Variants in TMEM117 observed in about 807,000 individuals in gnomAD.
TMEM117 encodes transmembrane protein 117.
TMEM117 carries 27 observed loss-of-function variants against 52.4 expected under a neutral mutation model. The observed-to-expected ratio is 0.51, with a 90% CI of 0.38 to 0.71. TMEM117 has a LOEUF of 0.71. Ranked by LOEUF, TMEM117 falls within the 30% of genes least tolerant of loss-of-function variation. TMEM117 has a pLI of 0.00. For missense variants in TMEM117, 556 were observed against 630.5 expected (o/e 0.88, Z 1.26); for synonymous variants, 215 against 206.3 (o/e 1.04, Z -0.36).
chr12:43,877,599 C>T (rs1374883799), intron 2 of TMEM117, among the ~76,000 whole-genome samples: 1 of 149,634 alleles, frequency 6.7e-6, no homozygotes, highest in Non-Finnish European at 1.5e-5. Context: ...CGTGTCACTG[C>T]ACTCCAGCCC....
intron 6 of TMEM117, among the ~76,000 whole-genome samples, chr12:44,359,219 A>G (rs757531034): frequency 3.3e-5 from 5 of 152,064 alleles, no homozygotes; most frequent in African/African-American, 1.2e-4. Context: ...AAAAAAAAAA[A>G]GTAAAAGAAT....
chr12:43,831,546 A>T (rs1592291860), upstream of TMEM117, among the ~76,000 whole-genome samples: 4 of 137,620 alleles, frequency 2.9e-5, no homozygotes, highest in African/African-American at 7.9e-5. Flanking sequence ...GTTACTTCTG[A>T]TTTTTTTTTT....
chr12:43,858,661 G>A (rs913255613), intron 2 of TMEM117, among the ~76,000 whole-genome samples: 1 of 152,182 alleles, frequency 6.6e-6, no homozygotes, highest in African/African-American at 2.4e-5. Context: ...GATACTTTGT[G>A]TGTCGTTGAG....
chr12:44,199,328 T>C (rs536542730), intron 4 of TMEM117, among the ~76,000 whole-genome samples: 6 of 152,292 alleles, frequency 3.9e-5, no homozygotes, highest in African/African-American at 1.4e-4. Flanking sequence ...TGAACCACCA[T>C]AGGAAATTTC....
In TMEM117 at chr12:44,372,110, T is replaced by C. The variant is rs531495903; in HGVS notation, c.769-4485T>C. 2.0e-5 allele frequency among the ~76,000 whole-genome samples: 3 copies of C among 152,270 alleles called. No homozygotes were observed. In the South Asian group the frequency reaches 6.2e-4, roughly 32 times the overall value. On this transcript the variant is annotated intron_variant, in intron 6 of 7. Coordinates refer to ENST00000266534, the MANE Select transcript of TMEM117 (RefSeq NM_032256.3). ...TTCTCACATCACTGAACCACAAATC[T>C]GATAGACCTCTGCAGTTATTGTAAG...
At chr12:44,292,649 C>A (rs1029710464) in intron 5 of TMEM117, among the ~76,000 whole-genome samples, 4 of 151,862 alleles carry the variant, frequency 2.6e-5, no homozygotes, top group Admixed American at 6.6e-5. Context: ...AGTTTGGGTA[C>A]GTTCTGTTTT....
At chr12:44,267,324 A>C (rs1184638724) in intron 5 of TMEM117, among the ~76,000 whole-genome samples, 2 of 152,036 alleles carry the variant, frequency 1.3e-5, no homozygotes, top group Non-Finnish European at 2.9e-5. Context: ...GTTCATTACT[A>C]GTGTATAAGA....
intron 2 of TMEM117, among the ~76,000 whole-genome samples, chr12:43,845,460 CAAAAAAAAA>C (rs10677136): frequency 2.6e-5 from 1 of 37,996 alleles, no homozygotes; most frequent in African/African-American, 1.0e-4. Context: ...GACTCCATCT[CAAAAAAAAA>C]AAAAAAAAAA....
At chr12:44,049,075 A>C (rs1946925318) in intron 3 of TMEM117, among the ~76,000 whole-genome samples, 1 of 151,988 alleles carries the variant, frequency 6.6e-6, no homozygotes. Context: ...TATATACCCA[A>C]AGGAATATAA....
intron 3 of TMEM117, among the ~76,000 whole-genome samples, chr12:43,964,364 G>C (rs1172408168): frequency 6.6e-6 from 1 of 152,042 alleles, no homozygotes. Flanking sequence ...ACTACTACAT[G>C]AGACCACTCC....
intron 3 of TMEM117, among the ~76,000 whole-genome samples, chr12:44,056,739 AGTGT>A (rs1791015011): frequency 6.6e-6 from 1 of 152,094 alleles, no homozygotes; most frequent in East Asian, 1.9e-4. Context: ...GCACTGTGAT[AGTGT>A]GTGTATCTCT....
chr12:43,920,259 C>T (rs1242253942), intron 2 of TMEM117, among the ~76,000 whole-genome samples: 1 of 152,170 alleles, frequency 6.6e-6, no homozygotes, highest in African/African-American at 2.4e-5. Context: ...GGCATGGTGG[C>T]TCACGCCTAT....
rs538104964 is a variant in TMEM117 at position 44,321,280 on chromosome 12, C to T, written c.768+21541C>T. On this transcript the variant is annotated intron_variant, in intron 6 of 7. Transcript: ENST00000266534. ...CCAGAGTAGATTGTTTGTGCTGACT[C>T]CTTTATACATCTCTGAGCCCAGCTT... Among the ~76,000 whole-genome samples, 5 of 152,264 alleles carry T rather than the reference C, an allele frequency of 3.3e-5. No individual in the cohort carries two copies. The South Asian group carries it at 8.3e-4, about 25-fold the overall frequency.
intron 6 of TMEM117, among the ~76,000 whole-genome samples, chr12:44,354,770 G>A (rs577961447): frequency 1.5e-4 from 23 of 151,748 alleles, no homozygotes; most frequent in Non-Finnish European, 2.6e-4. Context: ...AGACAGGGAT[G>A]TCCTCTCTCA....
intron 2 of TMEM117, among the ~76,000 whole-genome samples, chr12:43,918,524 A>G (rs1300678347): frequency 6.6e-6 from 1 of 152,216 alleles, no homozygotes; most frequent in Non-Finnish European, 1.5e-5. Context: ...AGCTTTGTCT[A>G]GCTGCTTAGT....
chr12:44,031,634 C>T (rs1266137645), intron 3 of TMEM117, among the ~76,000 whole-genome samples: 2 of 152,106 alleles, frequency 1.3e-5, no homozygotes, highest in Non-Finnish European at 2.9e-5. Flanking sequence ...TTCTGTTTTT[C>T]AGAGTTGAGA....
At chr12:44,310,105 A>AGTAT (rs1483426593) in intron 6 of TMEM117, among the ~76,000 whole-genome samples, 1 of 152,226 alleles carries the variant, frequency 6.6e-6, no homozygotes, top group African/African-American at 2.4e-5. Flanking sequence ...AAATGCTTGA[A>AGTAT]GTATGATGTT....
rs368261253 is a variant in TMEM117 at position 44,044,675 on chromosome 12, G to C, written c.411-98850G>C. Among the ~76,000 whole-genome samples, 28 of 152,248 alleles carry C rather than the reference G, an allele frequency of 1.8e-4. 1 individual carries two copies. In the South Asian group the frequency reaches 5.8e-3, roughly 32 times the overall value. ...AGTTGACAGAGGAAGAGAAGACTAGGGGCTGACTCATAGATGGCTTTGCAT... is the reference window on the plus strand; with the variant it reads ...AGTTGACAGAGGAAGAGAAGACTAGCGGCTGACTCATAGATGGCTTTGCAT... On this transcript the variant is annotated intron_variant, in intron 3 of 7. Coordinates refer to ENST00000266534, the MANE Select transcript of TMEM117 (RefSeq NM_032256.3).
intron 3 of TMEM117, among the ~76,000 whole-genome samples, chr12:44,079,610 C>A (rs972101326): frequency 1.4e-4 from 22 of 151,864 alleles, no homozygotes; most frequent in African/African-American, 5.3e-4. Context: ...GTAAAGATAT[C>A]TCAAGATATT....
Sources: allele counts gnomAD v4.1 joint callset (sites outside exome capture counted in the v4.1 genomes callset), GRCh38; gene constraint gnomAD v4.1.1; transcripts MANE v1.5; gene names NCBI Gene and HGNC (gene_info 2026-07-23, HGNC 2026-07-21).